The following CDH18 variants were observed in gnomAD, a reference collection of about 807,000 sequenced individuals.
CDH18 encodes cadherin-18.
Under a neutral mutation model 67.9 loss-of-function variants are expected in CDH18, and 31 were observed. The observed-to-expected ratio is 0.46, with a 90% CI of 0.34 to 0.62. The LOEUF (loss-of-function observed/expected upper bound fraction) is 0.62. CDH18 is among the 20% of genes least tolerant of loss of function. The probability of loss-of-function intolerance (pLI) is 0.01; values close to 1 mark genes in which losing one functional copy is unlikely to be tolerated. For synonymous variants in CDH18, 362 were observed against 347.2 expected (o/e 1.04, Z -0.48); for missense variants, 890 against 975.5 (o/e 0.91, Z 1.17).
chr5:19,995,338 GT>G (rs534479300), intron 2 of CDH18, among the ~76,000 whole-genome samples: 8 of 151,598 alleles, frequency 5.3e-5, no homozygotes, highest in East Asian at 1.9e-4. Flanking sequence ...ATATAAACTT[GT>G]TTTTTTATCA....
intron 2 of CDH18, among the ~76,000 whole-genome samples, chr5:20,023,004 T>A (rs1738562226): frequency 6.6e-6 from 1 of 152,224 alleles, no homozygotes; most frequent in South Asian, 2.1e-4. Context: ...ACAATCTACC[T>A]TAGATATTTG....
intron 1 of CDH18, among the ~76,000 whole-genome samples, chr5:20,556,252 C>T (rs1019725481): frequency 2.4e-4 from 36 of 152,220 alleles, no homozygotes; most frequent in African/African-American, 8.4e-4. Context: ...CTAAAATATG[C>T]GCAGCCACCC....
chr5:20,539,190 G>T (rs950916536), intron 1 of CDH18, among the ~76,000 whole-genome samples: 1 of 151,962 alleles, frequency 6.6e-6, no homozygotes, highest in Admixed American at 6.6e-5. Context: ...CGCACTGGGT[G>T]GCAACTTCTT....
intron 3 of CDH18, among the ~76,000 whole-genome samples, chr5:19,791,656 C>T (rs986446088): frequency 3.9e-5 from 6 of 152,066 alleles, no homozygotes; most frequent in East Asian, 1.9e-4. Flanking sequence ...TTCTGTTTCA[C>T]AGGAACAAAA....
chr5:20,336,277 G>A lies in CDH18; in HGVS notation c.-579-80772C>T, dbSNP rs1739727481. ...GCAGTTAGGATCACCACTCCAGAGG[G>A]GGGAATGAGAGAGGACACAGTTAGG... On this transcript the variant is annotated intron_variant, in intron 1 of 14. Coordinates refer to the CDH18 transcript ENST00000507958. Among the ~76,000 whole-genome samples, 3 of 152,186 alleles carry A rather than the reference G, an allele frequency of 2.0e-5. No individual in the cohort carries two copies. In the South Asian group the frequency reaches 6.2e-4, roughly 32 times the overall value.
chr5:20,407,091 T>C (rs1010892036), intron 1 of CDH18, among the ~76,000 whole-genome samples: 3 of 152,186 alleles, frequency 2.0e-5, no homozygotes, highest in Non-Finnish European at 4.4e-5. Flanking sequence ...CCATATACAC[T>C]AGACCCCCAG....
intron 2 of CDH18, among the ~76,000 whole-genome samples, chr5:19,951,350 G>A (rs895746014): frequency 2.0e-5 from 3 of 152,054 alleles, no homozygotes; most frequent in Non-Finnish European, 2.9e-5. Context: ...GAACAAGCAG[G>A]ACATCCTTTA....
At chr5:19,706,614 C>A (rs1455126654) in intron 5 of CDH18, among the ~76,000 whole-genome samples, 1 of 152,162 alleles carries the variant, frequency 6.6e-6, no homozygotes, top group East Asian at 1.9e-4. Context: ...CCAATCAGGA[C>A]AGTCTTCTGC....
intron 2 of CDH18, among the ~76,000 whole-genome samples, chr5:20,190,171 A>T (rs998232439): frequency 3.3e-5 from 5 of 152,118 alleles, no homozygotes; most frequent in African/African-American, 4.8e-5. Context: ...AGAGGTCCAA[A>T]TACCAATAGT....
intron 1 of CDH18, chr5:20,305,396 C>G: frequency 6.5e-7 from 1 of 1,548,830 alleles, no homozygotes; most frequent in Non-Finnish European, 8.9e-7. Context: ...TCTTCAGCTT[C>G]ATCTTCTTGA....
At chr5:20,238,580 A>C (rs947794305) in intron 2 of CDH18, among the ~76,000 whole-genome samples, 2 of 152,166 alleles carry the variant, frequency 1.3e-5, no homozygotes, top group Non-Finnish European at 2.9e-5. Context: ...TTGTACAGAA[A>C]CTTGAACTCT....
intron 6 of CDH18, among the ~76,000 whole-genome samples, chr5:19,608,459 A>G (rs1400896695): frequency 6.6e-6 from 1 of 151,564 alleles, no homozygotes; most frequent in African/African-American, 2.4e-5. Flanking sequence ...TATTATATAA[A>G]TTCATATTTG....
At chr5:20,175,362 C>CCTGATAAAAT (rs1287558714) in intron 2 of CDH18, among the ~76,000 whole-genome samples, 1 of 152,076 alleles carries the variant, frequency 6.6e-6, no homozygotes, top group Non-Finnish European at 1.5e-5. Flanking sequence ...TCCTATTTTT[C>CCTGATAAAAT]CTGATAAAAT....
At chr5:20,068,499 A>G (rs1323731011) in intron 2 of CDH18, among the ~76,000 whole-genome samples, 2 of 152,138 alleles carry the variant, frequency 1.3e-5, no homozygotes, top group Non-Finnish European at 2.9e-5. Context: ...GGCTTTGTCT[A>G]TAATTATTTT....
intron 2 of CDH18, among the ~76,000 whole-genome samples, chr5:20,057,016 T>C (rs1458660578): frequency 6.6e-6 from 1 of 152,080 alleles, no homozygotes; most frequent in African/African-American, 2.4e-5. Flanking sequence ...TCTATAAAAG[T>C]ACCTACAATT....
At chr5:20,488,673 TTATATATATATA>T (rs34690857) in intron 1 of CDH18, among the ~76,000 whole-genome samples, 4 of 126,974 alleles carry the variant, frequency 3.2e-5, no homozygotes, top group South Asian at 2.6e-4. Flanking sequence ...GGGTAGTGTT[TTATATATATATA>T]TATATATATA....
intron 1 of CDH18, among the ~76,000 whole-genome samples, chr5:20,526,480 G>A (rs1035203016): frequency 1.3e-5 from 2 of 152,068 alleles, no homozygotes; most frequent in Admixed American, 6.6e-5. Flanking sequence ...CCCAACAGGG[G>A]TTTCTAGACA....
At chr5:19,739,045 A>G (rs1471646523) in intron 4 of CDH18, among the ~76,000 whole-genome samples, 2 of 152,340 alleles carry the variant, frequency 1.3e-5, no homozygotes, top group East Asian at 1.9e-4. Flanking sequence ...CAACGAAGTT[A>G]AAGATATATA....
chr5:19,798,579 A>G (rs771169710), intron 3 of CDH18, among the ~76,000 whole-genome samples: 1 of 151,868 alleles, frequency 6.6e-6, no homozygotes, highest in Non-Finnish European at 1.5e-5. Context: ...TTTCCCTCAT[A>G]TTTCATATCA....
Sources: allele counts gnomAD v4.1 joint callset (sites outside exome capture counted in the v4.1 genomes callset), GRCh38; gene constraint gnomAD v4.1.1; transcripts MANE v1.5; gene names NCBI Gene and HGNC (gene_info 2026-07-23, HGNC 2026-07-21).